Variants in PASD1 observed in about 807,000 individuals in gnomAD.
PASD1 encodes circadian clock protein PASD1.
In PASD1, 13 loss-of-function variants were observed where a neutral mutation model predicts 58.8. That is an observed-to-expected ratio of 0.22 (90% CI 0.14 to 0.35). PASD1 has a LOEUF of 0.35. PASD1 is among the 10% of genes least tolerant of loss of function. PASD1 has a pLI of 1.00. For synonymous variants in PASD1, 236 were observed against 216.7 expected, an observed-to-expected ratio of 1.09 and a Z score of -0.78; for missense variants, 734 against 568.3, an observed-to-expected ratio of 1.29 and a Z score of -2.96.
In PASD1 at chrX:151,672,534, C is replaced by A; in HGVS notation, c.1789C>A (p.Leu597Ile). 8.3e-7 allele frequency: 1 copy of A among 1,211,979 alleles called. No individual in the cohort carries two copies. The highest frequency in any genetic ancestry group is 1.1e-6 in the Non-Finnish European group (1 of 895,581). Residue 597 changes from leucine (L) to isoleucine (I), a missense_variant, in exon 14 of 16, where the codon CTC becomes ATC. By Grantham distance (5) the Leu-to-Ile change is conservative. Coordinates refer to ENST00000370357, the MANE Select transcript of PASD1 (RefSeq NM_173493.3). ...LQNPRDVSVPLCNHPVRFLQA... is the reference protein window; with the variant it reads ...LQNPRDVSVPICNHPVRFLQA... ...AAACCCACGTGACGTATCTGTGCCC[C>A]TCTGCAATCACCCTGTTAGATTTTT... is the stretch of plus-strand genomic sequence containing the variant.
rs6627435 is a variant in PASD1 at position 151,639,508 on chromosome X, A to C, written c.630-9107A>C. On this transcript the variant is annotated intron_variant, in intron 8 of 15. Transcript: ENST00000370357. ...GCATACATGCCATTTAAGTTCATTC[A>C]CTATTTCTACATGGACTAAAATGTT... Among the ~76,000 whole-genome samples, 16 of 112,215 alleles carry C rather than the reference A, an allele frequency of 1.4e-4. No individual in the cohort carries two copies. The East Asian group carries it at 2.8e-3, about 20-fold the overall frequency.
At chrX:151,612,364 T>C in intron 4 of PASD1, among the ~76,000 whole-genome samples, 1 of 107,956 alleles carries the variant, frequency 9.3e-6, no homozygotes, top group Middle Eastern at 4.6e-3. Flanking sequence ...ATGGTATTTC[T>C]AGTTCTAGAT....
chrX:151,602,058 G>A lies in PASD1; in HGVS notation c.28+477G>A, dbSNP rs182518089. 2.7e-5 allele frequency among the ~76,000 whole-genome samples: 3 copies of A among 112,215 alleles called. No individual in the cohort carries two copies. The Admixed American group carries it at 2.8e-4, about 11-fold the overall frequency. ...TCTGTGGTATCCAATGGATACATTT[G>A]ATACATTGTGGAATGGCTAAATCCA... is the stretch of plus-strand genomic sequence containing the variant. On this transcript the variant is annotated intron_variant, in intron 2 of 15. Transcript: ENST00000370357.
intron 12 of PASD1, 146 bp downstream of exon 12, chrX:151,671,342 G>T: frequency 1.3e-6 from 1 of 762,777 alleles, no homozygotes; most frequent in South Asian, 2.7e-5. Context: ...GGTGATATGG[G>T]ATATCTAATG....
At chrX:151,647,784 A>G (rs1369746140) in intron 8 of PASD1, among the ~76,000 whole-genome samples, 2 of 111,075 alleles carry the variant, frequency 1.8e-5, no homozygotes, top group African/African-American at 6.5e-5. Context: ...TGGAAAATTT[A>G]TCTCCATTGG....
intron 1 of PASD1, among the ~76,000 whole-genome samples, chrX:151,567,165 C>G (rs1375518290): frequency 9.0e-6 from 1 of 111,315 alleles, no homozygotes; most frequent in African/African-American, 3.3e-5. Flanking sequence ...CAGGGATGCT[C>G]CGCCATACGT....
At position 151,570,275 on chromosome X, in the gene PASD1, T is replaced by C. The variant is rs932832874; in HGVS notation, c.-28+6436T>C. 2.7e-5 allele frequency among the ~76,000 whole-genome samples: 3 copies of C among 111,937 alleles called. No individual in the cohort carries two copies. In the Admixed American group the frequency reaches 2.8e-4, roughly 11 times the overall value. ...ATTGCTAAAGGGTTTGTTTCCCTAC[T>C]CAGACTTGCCCTGATTTAAAAACTG... is the stretch of plus-strand genomic sequence containing the variant. On this transcript the variant is annotated intron_variant, in intron 1 of 15. Transcript: ENST00000370357.
At chrX:151,621,704 G>C (rs2013713651) in intron 6 of PASD1, 112 bp downstream of exon 6, 2 of 422,421 alleles carry the variant, frequency 4.7e-6, no homozygotes, top group African/African-American at 2.6e-5. Context: ...ATATCCCTAT[G>C]GCCACAGTTT....
At chrX:151,653,942 T>TTTC (rs1260363488) in intron 9 of PASD1, among the ~76,000 whole-genome samples, 6 of 69,276 alleles carry the variant, frequency 8.7e-5, no homozygotes, top group Admixed American at 4.0e-4. Context: ...TTCTTTCTTT[T>TTTC]TCTCTCTTTC....
chrX:151,673,671 A>G (rs932805862), intron 14 of PASD1: 6 of 410,655 alleles, frequency 1.5e-5, no homozygotes, highest in African/African-American at 5.0e-5. Flanking sequence ...GCATAGTTGT[A>G]GCAGGAACAA....
chrX:151,627,604 T>C (rs1410415812), intron 8 of PASD1, among the ~76,000 whole-genome samples: 4 of 112,167 alleles, frequency 3.6e-5, no homozygotes, highest in South Asian at 7.6e-4. Context: ...CAGTCTATCA[T>C]TGATGGACAT....
chrX:151,611,630 C>T, intron 3 of PASD1, 34 bp from the exon 4 acceptor site: 1 of 978,030 alleles, frequency 1.0e-6, no homozygotes, highest in South Asian at 2.2e-5. Context: ...TATTGTTCCA[C>T]TATTTAATTA....
rs1246137820 is a variant in PASD1 at position 151,653,751 on chromosome X, CTTCTTTCT to C, written c.717+5093_717+5100del. ...TTCTCTCTCTCTCTTTCTTTCCTTC[CTTCTTTCT>C]TTCTTTCTTTCTTTCTTTCTTTCTT... is the stretch of plus-strand genomic sequence containing the variant. On this transcript the variant is annotated intron_variant, in intron 9 of 15. Coordinates refer to ENST00000370357, the MANE Select transcript of PASD1 (RefSeq NM_173493.3). Among the ~76,000 whole-genome samples the C allele has an allele frequency of 4.7e-3, 80 of 16,954 alleles. 2 individuals carry two copies. The highest frequency in any genetic ancestry group is 7.8e-3 in the Non-Finnish European group (44 of 5,677). The allele number at this position is 16,954 out of a possible 115,157, so 14.7% of individuals were successfully genotyped here. A position where few individuals can be genotyped will look rare whatever the true frequency, so the allele number is the denominator to read the frequency against.
chrX:151,580,763 G>A (rs2013077866), intron 1 of PASD1, among the ~76,000 whole-genome samples: 1 of 110,122 alleles, frequency 9.1e-6, no homozygotes, highest in Non-Finnish European at 1.9e-5. Context: ...AAATTAACTT[G>A]GTTAAAAACT....
At position 151,621,598 on chromosome X, in the gene PASD1, C is replaced by A; in HGVS notation, c.418+6C>A. The A allele has an allele frequency of 1.8e-6, 2 of 1,134,618 alleles. No homozygotes were observed. The highest frequency in any genetic ancestry group is 2.4e-6 in the Non-Finnish European group (2 of 832,440). The allele number at this position is 1,134,618 out of a possible 1,213,427, so 93.5% of individuals were successfully genotyped here. A position where few individuals can be genotyped will look rare whatever the true frequency, so the allele number is the denominator to read the frequency against. On this transcript the variant is annotated splice_donor_region_variant and intron_variant, in intron 6 of 15. Transcript: ENST00000370357. ...TGTAAGAGATATTTGTAATGGTAAGCAGTTCTGTTTATCTTATCTATATGA... is the reference window on the plus strand; with the variant it reads ...TGTAAGAGATATTTGTAATGGTAAGAAGTTCTGTTTATCTTATCTATATGA...
At chrX:151,595,284 C>T (rs2013304727) in intron 1 of PASD1, among the ~76,000 whole-genome samples, 1 of 111,689 alleles carries the variant, frequency 9.0e-6, no homozygotes, top group Non-Finnish European at 1.9e-5. Context: ...CTGAGAGAGA[C>T]TCTGCTCCTT....
Position 151,567,418 on chromosome X carries a change from G to C in PASD1, c.-28+3579G>C, listed in dbSNP as rs1392523195. Among the ~76,000 whole-genome samples the C allele has an allele frequency of 4.5e-5, 5 of 111,987 alleles. No individual in the cohort carries two copies. In the East Asian group the frequency reaches 1.4e-3, roughly 32 times the overall value. On this transcript the variant is annotated intron_variant, in intron 1 of 15. Transcript: ENST00000370357. ...CACTGGATATGCTTCTAGAGCCAGA[G>C]CTCAAAGGAGTAGTCACAGCTGGAA... is the stretch of plus-strand genomic sequence containing the variant.
intron 1 of PASD1, among the ~76,000 whole-genome samples, chrX:151,600,562 G>C (rs2013402236): frequency 9.0e-6 from 1 of 110,611 alleles, no homozygotes; most frequent in Non-Finnish European, 1.9e-5. Context: ...TCTTTTGTTG[G>C]TAGGAGGATT....
chrX:151,611,761 C>T lies in PASD1; in HGVS notation c.207+8C>T. 1 of 1,173,469 alleles carries T rather than the reference C, an allele frequency of 8.5e-7. No individual in the cohort carries two copies. The highest frequency in any genetic ancestry group is 1.2e-6 in the Non-Finnish European group (1 of 867,562). ...CTTCTTGGACATTTACCAGTAAGTT[C>T]TTTCTACTTTTGGGAAAGTGGATCA... is the stretch of plus-strand genomic sequence containing the variant. On this transcript the variant is annotated splice_region_variant and intron_variant, in intron 4 of 15. Coordinates refer to ENST00000370357, the MANE Select transcript of PASD1 (RefSeq NM_173493.3).
Sources: gnomAD v4.1 joint callset for allele counts (sites outside exome capture counted in the v4.1 genomes callset) on GRCh38, gnomAD v4.1.1 for gene constraint, MANE v1.5 for transcripts, NCBI Gene and HGNC (gene_info 2026-07-23, HGNC 2026-07-21) for gene names.